PHACTR1: variants seen among roughly 807,000 people sequenced by gnomAD.
PHACTR1 encodes the protein phosphatase and actin regulator 1, also known as RPEL repeat containing 1.
Under a neutral mutation model 69.2 loss-of-function variants are expected in PHACTR1, and 16 were observed. The observed-to-expected ratio is 0.23, with a 90% confidence interval of 0.16 to 0.35. The LOEUF (loss-of-function observed/expected upper bound fraction) is 0.35, where lower values mean the gene tolerates loss of function less well. Ranked by LOEUF, PHACTR1 falls within the 10% of genes least tolerant of loss-of-function variation. The pLI, the probability that PHACTR1 is intolerant of heterozygous loss-of-function variation, is 1.00. For synonymous variants in PHACTR1, 312 were observed against 284.5 expected (o/e 1.10, Z -0.97); for missense variants, 510 against 734.7 (o/e 0.69, Z 3.54).
At position 13,157,427 on chromosome 6, in the gene PHACTR1, G is replaced by A. The variant is rs546806234; in HGVS notation, c.416-2777G>A. 5.3e-4 allele frequency among the ~76,000 whole-genome samples: 80 copies of A among 152,268 alleles called. 1 individual carries two copies. Among genetic ancestry groups the A allele is most frequent in the African/African-American group, 1.8e-3 (76 of 41,552 alleles). On this transcript the variant is annotated intron_variant, in intron 5 of 14. Transcript: ENST00000332995. Reference sequence around the variant, plus strand: ...CACATGAGTCTGTAAACTCTATCACGGCGATGGCTGTCTCTTTGGTCACCA... The same window carrying A: ...CACATGAGTCTGTAAACTCTATCACAGCGATGGCTGTCTCTTTGGTCACCA...
intron 6 of PHACTR1, among the ~76,000 whole-genome samples, chr6:13,174,865 G>A (rs1215070066): frequency 6.6e-6 from 1 of 152,072 alleles, no homozygotes; most frequent in Non-Finnish European, 1.5e-5. Context: ...TAACTTCATA[G>A]GATGGATGGA....
At chr6:12,797,008 A>AGT (rs10577949) in intron 4 of PHACTR1, among the ~76,000 whole-genome samples, 115 of 138,282 alleles carry the variant, frequency 8.3e-4, no homozygotes, top group East Asian at 1.3e-3. Context: ...GAAGCCTAGG[A>AGT]GTGTGTGTGT....
intron 10 of PHACTR1, among the ~76,000 whole-genome samples, chr6:13,266,100 G>A (rs1188344954): frequency 6.6e-6 from 1 of 151,682 alleles, no homozygotes; most frequent in Admixed American, 6.6e-5. Context: ...CAAACACGCT[G>A]GTTCTCTTGC....
intron 4 of PHACTR1, among the ~76,000 whole-genome samples, chr6:12,774,313 G>A (rs556293422): frequency 2.0e-5 from 3 of 152,198 alleles, no homozygotes; most frequent in East Asian, 1.9e-4. Context: ...ACCTAGAGGC[G>A]TGTATTTCAT....
chr6:13,252,088 C>G (rs1774503748), intron 10 of PHACTR1, among the ~76,000 whole-genome samples: 1 of 149,550 alleles, frequency 6.7e-6, no homozygotes, highest in Non-Finnish European at 1.5e-5. Flanking sequence ...AAAGAAAAGG[C>G]CAGGAGGCAC....
In PHACTR1 at chr6:12,736,253, C is replaced by T. The variant is rs1205192935; in HGVS notation, c.104-13391C>T. ...TTATTATAGTTAATGATATTCATCC[C>T]CATCATTTACATTTTGTAGCTTTTC... On this transcript the variant is annotated intron_variant, in intron 3 of 14. Coordinates refer to ENST00000332995, the MANE Select transcript of PHACTR1 (RefSeq NM_030948.6). Among the ~76,000 whole-genome samples, 3 of 152,060 alleles carry T rather than the reference C, an allele frequency of 2.0e-5. No individual in the cohort carries two copies. The East Asian group carries it at 5.8e-4, about 29-fold the overall frequency.
At chr6:12,949,517 G>A (rs574853824) in intron 4 of PHACTR1, among the ~76,000 whole-genome samples, 1 of 152,264 alleles carries the variant, frequency 6.6e-6, no homozygotes, top group South Asian at 2.1e-4. Context: ...GCTTCCTGGA[G>A]GAGGTGAGTC....
chr6:13,270,999 C>T (rs1456928749), intron 10 of PHACTR1, among the ~76,000 whole-genome samples: 1 of 148,346 alleles, frequency 6.7e-6, no homozygotes, highest in Non-Finnish European at 1.5e-5. Context: ...GGAGTTGCCA[C>T]ATGCTTTTTT....
chr6:12,822,011 A>T (rs1010844343), intron 4 of PHACTR1, among the ~76,000 whole-genome samples: 2 of 152,200 alleles, frequency 1.3e-5, no homozygotes, highest in Non-Finnish European at 2.9e-5. Context: ...GTTCAAACAC[A>T]TCCCCTCAGC....
At chr6:13,031,755 C>T (rs547053379) in intron 4 of PHACTR1, among the ~76,000 whole-genome samples, 72 of 150,966 alleles carry the variant, frequency 4.8e-4, no homozygotes, top group Non-Finnish European at 8.7e-4. Context: ...TGACATTACT[C>T]ATGTCTTTAA....
chr6:13,230,327 G>A (rs1194435718), intron 10 of PHACTR1, 134 bp downstream of exon 10: 15 of 1,500,842 alleles, frequency 1.0e-5, no homozygotes, highest in African/African-American at 7.0e-5. Flanking sequence ...CGAGGCAGGT[G>A]GATCACATGA....
chr6:12,868,805 G>T lies in PHACTR1; in HGVS notation c.250+119015G>T, dbSNP rs184750540. 9.7e-4 allele frequency among the ~76,000 whole-genome samples: 147 copies of T among 152,158 alleles called. 1 individual carries two copies. The highest frequency in any genetic ancestry group is 3.4e-3 in the African/African-American group (141 of 41,524). ...TGACCAGGACCTAGACCCCAGGCAG[G>T]CATTCTATCATTTAGAACAAAAAGA... On this transcript the variant is annotated intron_variant, in intron 4 of 14. Coordinates refer to ENST00000332995, the MANE Select transcript of PHACTR1 (RefSeq NM_030948.6).
intron 4 of PHACTR1, among the ~76,000 whole-genome samples, chr6:13,048,737 G>A (rs1207923440): frequency 6.6e-6 from 1 of 152,068 alleles, no homozygotes; most frequent in Non-Finnish European, 1.5e-5. Flanking sequence ...TCACCATGTT[G>A]GCCAGGCTGG....
chr6:13,041,866 TTGTG>T (rs1804232816), intron 4 of PHACTR1, among the ~76,000 whole-genome samples: 1 of 152,150 alleles, frequency 6.6e-6, no homozygotes. Context: ...CACGGCAACT[TTGTG>T]TGAGTTGCCA....
At chr6:13,192,942 T>C (rs1218647094) in intron 7 of PHACTR1, among the ~76,000 whole-genome samples, 1 of 152,178 alleles carries the variant, frequency 6.6e-6, no homozygotes, top group Non-Finnish European at 1.5e-5. Flanking sequence ...AGTTCTAAGT[T>C]CTGCCATAAA....
intron 5 of PHACTR1, among the ~76,000 whole-genome samples, chr6:13,146,890 T>C (rs757301024): frequency 1.3e-5 from 2 of 152,208 alleles, no homozygotes; most frequent in Non-Finnish European, 2.9e-5. Context: ...GAAATGTGAA[T>C]TGTGGATCTG....
intron 6 of PHACTR1, among the ~76,000 whole-genome samples, chr6:13,165,648 G>T (rs967985730): frequency 6.6e-6 from 1 of 152,194 alleles, no homozygotes; most frequent in Non-Finnish European, 1.5e-5. Flanking sequence ...GGGGGAGGGG[G>T]TTGTGATTTT....
chr6:12,851,981 C>T (rs1326694665), intron 4 of PHACTR1, among the ~76,000 whole-genome samples: 9 of 152,124 alleles, frequency 5.9e-5, no homozygotes, highest in East Asian at 1.9e-4. Context: ...ATTACAGGTA[C>T]GCGCCACCAC....
chr6:12,921,357 G>A (rs1384700199), intron 4 of PHACTR1, among the ~76,000 whole-genome samples: 1 of 152,120 alleles, frequency 6.6e-6, no homozygotes, highest in Admixed American at 6.6e-5. Flanking sequence ...GCACAGGGCT[G>A]AGTGTGCAGG....
Sources: gnomAD v4.1 joint callset for allele counts (sites outside exome capture counted in the v4.1 genomes callset) on GRCh38, gnomAD v4.1.1 for gene constraint, MANE v1.5 for transcripts, NCBI Gene and HGNC (gene_info 2026-07-23, HGNC 2026-07-21) for gene names.